The following ZNF33B variants were observed in gnomAD, a reference collection of about 807,000 sequenced individuals.
The protein encoded by ZNF33B is zinc finger protein 11b (KOX 2).
ZNF33B carries 29 observed loss-of-function variants against 45.8 expected under a neutral mutation model. The observed-to-expected ratio is 0.63, with a 90% CI of 0.47 to 0.86. The LOEUF is 0.86. Ranked by LOEUF, ZNF33B falls within the 40% of genes least tolerant of loss-of-function variation. The pLI is 0.00. For synonymous variants in ZNF33B, 305 were observed against 307.8 expected (o/e 0.99, Z 0.10); for missense variants, 831 against 909.9 (o/e 0.91, Z 1.12).
intron 4 of ZNF33B, among the ~76,000 whole-genome samples, chr10:42,596,635 ATT>A (rs1228382041): frequency 2.6e-5 from 4 of 152,090 alleles, no homozygotes; most frequent in African/African-American, 9.7e-5. Flanking sequence ...GCAGTGGATT[ATT>A]GTTTCTAGTG....
At chr10:42,588,293 T>G (rs1323699348), downstream of ZNF33B, among the ~76,000 whole-genome samples, 3 of 152,174 alleles carry the variant, frequency 2.0e-5, no homozygotes, top group Admixed American at 6.5e-5. Flanking sequence ...GGAAGAGATG[T>G]GACACTCACC....
At chr10:42,634,440 C>T (rs905440126) in intron 2 of ZNF33B, among the ~76,000 whole-genome samples, 1 of 152,032 alleles carries the variant, frequency 6.6e-6, no homozygotes, top group African/African-American at 2.4e-5. Context: ...TATATAGGTT[C>T]AATTCAACCC....
intron 4 of ZNF33B, among the ~76,000 whole-genome samples, chr10:42,614,537 G>T (rs1380438642): frequency 6.6e-6 from 1 of 152,214 alleles, no homozygotes; most frequent in Non-Finnish European, 1.5e-5. Flanking sequence ...GTTAATAACA[G>T]CAGAAACTGG....
chr10:42,600,217 A>G (rs1837562857), intron 4 of ZNF33B, among the ~76,000 whole-genome samples: 1 of 152,108 alleles, frequency 6.6e-6, no homozygotes, highest in African/African-American at 2.4e-5. Context: ...AATGTCAATT[A>G]AGTTATTTAG....
Position 42,591,267 on chromosome 10 carries a change from G to C in ZNF33B, c.*1346C>G. 1 of 926,930 alleles carries C rather than the reference G, an allele frequency of 1.1e-6. No homozygotes were observed. Among genetic ancestry groups the C allele is most frequent in the African/African-American group, 1.8e-5 (1 of 55,690 alleles). The allele number at this position is 926,930 out of a possible 1,614,324, so 57.4% of individuals were successfully genotyped here. A position where few individuals can be genotyped will look rare whatever the true frequency, so the allele number is the denominator to read the frequency against. On this transcript the variant is annotated 3_prime_UTR_variant, in exon 5 of 5. Transcript: ENST00000359467. ...CCTCTTTCCAGGGCCCTGTCTTGGA[G>C]AGCAGCTGCTTAAAGAAAATTTGGA...
chr10:42,629,848 G>A (rs188411297), intron 4 of ZNF33B, among the ~76,000 whole-genome samples: 2 of 152,190 alleles, frequency 1.3e-5, no homozygotes, highest in East Asian at 3.9e-4. Context: ...CTCAGTAGTT[G>A]TTCTAGGTAT....
At chr10:42,583,901 G>GC (rs1836875296) in intron 1 of ZNF33B, among the ~76,000 whole-genome samples, 1 of 152,190 alleles carries the variant, frequency 6.6e-6, no homozygotes, top group East Asian at 1.9e-4. Flanking sequence ...GAAGAGCTCA[G>GC]CCCCCAGGCC....
In ZNF33B at chr10:42,592,375, G is replaced by A; in HGVS notation, c.*238C>T. 2 of 622,860 alleles carry A rather than the reference G, an allele frequency of 3.2e-6. No individual in the cohort carries two copies. The highest frequency in any genetic ancestry group is 4.8e-6 in the Non-Finnish European group (2 of 419,854). 38.6% of individuals were successfully genotyped at this position (622,860 alleles called of 1,614,324 possible). A position where few individuals can be genotyped will look rare whatever the true frequency, so the allele number is the denominator to read the frequency against. ...CTTTCACAAATTCAAAAAAATCTGT[G>A]AGGTTTTATGCCAGTATTAACCATC... On this transcript the variant is annotated 3_prime_UTR_variant, in exon 5 of 5. Transcript: ENST00000359467.
chr10:42,581,356 C>T (rs1277885399), intron 1 of ZNF33B, among the ~76,000 whole-genome samples: 1 of 149,704 alleles, frequency 6.7e-6, no homozygotes, highest in Non-Finnish European at 1.5e-5. Flanking sequence ...CCCAACTACT[C>T]GGGAGGCTGA....
intron 1 of ZNF33B, chr10:42,583,097 G>T: frequency 1.2e-6 from 1 of 800,404 alleles, no homozygotes; most frequent in Non-Finnish European, 2.2e-6. Flanking sequence ...CCAAGGTCCA[G>T]GATCAGTGCA....
At chr10:42,601,170 G>T (rs1030539899) in intron 4 of ZNF33B, among the ~76,000 whole-genome samples, 2 of 152,148 alleles carry the variant, frequency 1.3e-5, no homozygotes, top group South Asian at 2.1e-4. Flanking sequence ...CCTTGCCTTT[G>T]TTCCTCCATA....
intron 4 of ZNF33B, among the ~76,000 whole-genome samples, chr10:42,624,299 C>T (rs977537443): frequency 4.9e-4 from 75 of 152,322 alleles, no homozygotes; most frequent in African/African-American, 1.6e-3. Flanking sequence ...CATGAACATA[C>T]AGTCTATAAC....
chr10:42,611,056 C>T (rs1838077099), intron 4 of ZNF33B, among the ~76,000 whole-genome samples: 1 of 152,062 alleles, frequency 6.6e-6, no homozygotes, highest in Non-Finnish European at 1.5e-5. Context: ...TGAAAAATCC[C>T]CTTTTTGGCT....
At chr10:42,604,180 C>T (rs537801345) in intron 4 of ZNF33B, among the ~76,000 whole-genome samples, 2 of 152,328 alleles carry the variant, frequency 1.3e-5, no homozygotes, top group East Asian at 3.9e-4. Flanking sequence ...TGCAGTGGCT[C>T]ACGCCTGTAA....
At chr10:42,616,952 C>T (rs1439292519) in intron 4 of ZNF33B, among the ~76,000 whole-genome samples, 1 of 151,824 alleles carries the variant, frequency 6.6e-6, no homozygotes, top group Non-Finnish European at 1.5e-5. Context: ...CCTCAGCCTC[C>T]CAAAGTGCTG....
intron 4 of ZNF33B, among the ~76,000 whole-genome samples, chr10:42,621,100 T>C (rs1838559734): frequency 6.7e-6 from 1 of 149,492 alleles, no homozygotes; most frequent in African/African-American, 2.5e-5. Flanking sequence ...CCAAGGTGGA[T>C]CACTTGATGC....
At position 42,591,521 on chromosome 10, in the gene ZNF33B, A is replaced by G. The variant is rs1178846529; in HGVS notation, c.*1092T>C. 2.7e-6 allele frequency: 1 copy of G among 371,882 alleles called. No individual in the cohort carries two copies. Among genetic ancestry groups the G allele is most frequent in the East Asian group, 1.6e-4 (1 of 6,118 alleles). 23.0% of individuals were successfully genotyped at this position (371,882 alleles called of 1,614,324 possible). A position where few individuals can be genotyped will look rare whatever the true frequency, so the allele number is the denominator to read the frequency against. ...TATTTAAATTGTTTCAGGACACGAC[A>G]AACACCTGGGATGGGCCTGATGAAG... On this transcript the variant is annotated 3_prime_UTR_variant, in exon 5 of 5. Transcript: ENST00000359467.
rs1456459494 is a variant in ZNF33B at position 42,593,641 on chromosome 10, C to G, written c.1309G>C (p.Gly437Arg). The G allele has an allele frequency of 1.9e-5, 30 of 1,613,882 alleles. No homozygotes were observed. The highest frequency in any genetic ancestry group is 5.0e-5 in the Admixed American group (3 of 59,994). ...TCATAACATTCATAGGGTTTCTGCCCTGTGTGTGTTCTCTGATGTTTAGTG... is the reference window on the plus strand; with the variant it reads ...TCATAACATTCATAGGGTTTCTGCCGTGTGTGTGTTCTCTGATGTTTAGTG... ...DLTKHQRTHT[G>R]QKPYECYECG... The change falls in exon 5 of 5, where the codon GGG (glycine) becomes CGG (arginine). Residue 437 changes from glycine to arginine, a missense_variant. By Grantham distance (125) the Gly-to-Arg change is moderately radical. Coordinates refer to ENST00000359467, the MANE Select transcript of ZNF33B (RefSeq NM_006955.3).
At chr10:42,618,419 GTTTT>G (rs1838425543) in intron 4 of ZNF33B, among the ~76,000 whole-genome samples, 1 of 152,166 alleles carries the variant, frequency 6.6e-6, no homozygotes, top group African/African-American at 2.4e-5. Context: ...GGAACATTAA[GTTTT>G]TATTTCTCAA....
Sources: allele counts gnomAD v4.1 joint callset (sites outside exome capture counted in the v4.1 genomes callset), GRCh38; gene constraint gnomAD v4.1.1; transcripts MANE v1.5; gene names NCBI Gene and HGNC (gene_info 2026-07-23, HGNC 2026-07-21).